The following ENTREP1 variants were observed in gnomAD, a reference collection of about 807,000 sequenced individuals.
The protein encoded by ENTREP1 is endosomal transmembrane epsin interactor 1, also known as Friedreich ataxia region gene X123.
the ENTREP1 span, chr9:69,325,627 C>T: frequency 1.5e-5 from 19 of 1,231,044 alleles, no homozygotes; most frequent in Non-Finnish European, 1.8e-5. Context: ...TTCAGCTGAT[C>T]TTGGGCTGCT....
At chr9:69,371,107 C>T in the ENTREP1 span, among the ~76,000 whole-genome samples, 1 of 152,098 alleles carries the variant, frequency 6.6e-6, no homozygotes, top group South Asian at 2.1e-4. Flanking sequence ...CTTCATGTCC[C>T]TGTGTTTCAC....
At chr9:69,339,983 C>T in the ENTREP1 span, among the ~76,000 whole-genome samples, 54 of 152,296 alleles carry the variant, frequency 3.5e-4, no homozygotes, top group African/African-American at 1.3e-3. Flanking sequence ...TCCCCGAGAA[C>T]AAGAGTCTTG....
the ENTREP1 span, among the ~76,000 whole-genome samples, chr9:69,339,241 G>A: frequency 2.0e-5 from 3 of 151,894 alleles, no homozygotes; most frequent in Admixed American, 6.6e-5. Flanking sequence ...GGCTTGTCTC[G>A]AACTCCTGGG....
chr9:69,350,982 C>T, the ENTREP1 span, among the ~76,000 whole-genome samples: 8 of 152,138 alleles, frequency 5.3e-5, no homozygotes, highest in Non-Finnish European at 7.4e-5. Context: ...GAGTGATTAA[C>T]GAGGGAGCAC....
At chr9:69,376,010 T>A in the ENTREP1 span, 2 of 764,934 alleles carry the variant, frequency 2.6e-6, no homozygotes, top group Middle Eastern at 3.4e-4. Context: ...AGAGACAGAA[T>A]TGAATGCAGA....
At chr9:69,363,800 C>A in the ENTREP1 span, among the ~76,000 whole-genome samples, 2 of 152,126 alleles carry the variant, frequency 1.3e-5, no homozygotes, top group Non-Finnish European at 2.9e-5. Context: ...CCCCACTGAG[C>A]CAGTCTACAT....
At chr9:69,356,859 A>C in the ENTREP1 span, among the ~76,000 whole-genome samples, 1 of 152,142 alleles carries the variant, frequency 6.6e-6, no homozygotes, top group Non-Finnish European at 1.5e-5. Flanking sequence ...GAACATGTTA[A>C]TGTAGGGGTG....
chr9:69,369,995 G>A, the ENTREP1 span, among the ~76,000 whole-genome samples: 1 of 152,150 alleles, frequency 6.6e-6, no homozygotes, highest in Non-Finnish European at 1.5e-5. Context: ...CTACCAGTCT[G>A]TAGCTTGCCT....
chr9:69,343,504 C>A, the ENTREP1 span, among the ~76,000 whole-genome samples: 1 of 152,058 alleles, frequency 6.6e-6, no homozygotes, highest in Non-Finnish European at 1.5e-5. Context: ...GAAGTGGCAC[C>A]GTCGCAGCTC....
At chr9:69,376,032 A>T in the ENTREP1 span, among the ~76,000 whole-genome samples, 6 of 152,216 alleles carry the variant, frequency 3.9e-5, no homozygotes, top group African/African-American at 1.4e-4. Flanking sequence ...AGAACCACAG[A>T]TTATTGTGTG....
chr9:69,362,419 G>A, the ENTREP1 span, among the ~76,000 whole-genome samples: 4 of 152,000 alleles, frequency 2.6e-5, no homozygotes, highest in African/African-American at 9.7e-5. Flanking sequence ...ATGAACTGGG[G>A]GTACAATTAC....
the ENTREP1 span, among the ~76,000 whole-genome samples, chr9:69,377,056 A>G: frequency 6.6e-5 from 10 of 152,316 alleles, no homozygotes; most frequent in African/African-American, 2.4e-4. Context: ...GCTCTCCTGG[A>G]AGGAATGTTT....
the ENTREP1 span, chr9:69,391,730 G>C: frequency 6.2e-7 from 1 of 1,613,950 alleles, no homozygotes; most frequent in Non-Finnish European, 8.5e-7. Flanking sequence ...GCCCCGAGCC[G>C]AGAGGAGGCC....
the ENTREP1 span, among the ~76,000 whole-genome samples, chr9:69,355,218 G>GC: frequency 6.6e-6 from 1 of 152,210 alleles, no homozygotes; most frequent in Admixed American, 6.5e-5. Flanking sequence ...TACCTATTAA[G>GC]CCCTCCCAGA....
At chr9:69,343,848 G>T in the ENTREP1 span, among the ~76,000 whole-genome samples, 1 of 152,100 alleles carries the variant, frequency 6.6e-6, no homozygotes, top group Admixed American at 6.5e-5. Context: ...TTGGAGTTTG[G>T]CCTTTCTCAT....
At chr9:69,392,060 G>T in the ENTREP1 span, 7 of 530,978 alleles carry the variant, frequency 1.3e-5, no homozygotes, top group Admixed American at 1.3e-4. Flanking sequence ...GCTGGGCCTC[G>T]CAGCATTCCC....
chr9:69,391,612 A>C, the ENTREP1 span: 58 of 1,613,990 alleles, frequency 3.6e-5, 3 homozygotes, highest in South Asian at 6.4e-4. Context: ...TAATGGCCCC[A>C]TTGCAGCCCA....
the ENTREP1 span, chr9:69,384,152 G>GT: frequency 1.6e-6 from 1 of 631,808 alleles, no homozygotes; most frequent in African/African-American, 1.8e-5. Context: ...GAGGCCAGGA[G>GT]TTTGAGGCCA....
the ENTREP1 span, chr9:69,391,849 C>A: frequency 6.6e-7 from 1 of 1,513,386 alleles, no homozygotes. Context: ...GATCCCTCTC[C>A]TCTCTGCCAT....
Sources: gnomAD v4.1 joint callset for allele counts (sites outside exome capture counted in the v4.1 genomes callset) on GRCh38, gnomAD v4.1.1 for gene constraint, MANE v1.5 for transcripts, NCBI Gene and HGNC (gene_info 2026-07-23, HGNC 2026-07-21) for gene names.